Variants in TMEM150C observed in about 807,000 individuals in gnomAD.
TMEM150C encodes transmembrane protein 150C, also known as tentonin 3.
TMEM150C carries 10 observed loss-of-function variants against 29.9 expected under a neutral mutation model. The observed-to-expected ratio is 0.33, with a 90% CI of 0.21 to 0.57. TMEM150C has a LOEUF of 0.57. Ranked by LOEUF, TMEM150C falls within the 20% of genes least tolerant of loss-of-function variation. TMEM150C has a pLI of 0.88. For missense variants in TMEM150C, 251 were observed against 303.6 expected (o/e 0.83, Z 1.29); for synonymous variants, 101 against 112.5 (o/e 0.90, Z 0.64).
intron 1 of TMEM150C, among the ~76,000 whole-genome samples, chr4:82,553,318 G>A (rs1392213983): frequency 2.6e-5 from 4 of 152,222 alleles, no homozygotes; most frequent in South Asian, 2.1e-4. Context: ...AGGTAAATAT[G>A]CAACAAGCAA....
chr4:82,525,814 G>A (rs78450346), intron 1 of TMEM150C, among the ~76,000 whole-genome samples: 6,785 of 152,148 alleles, frequency 0.045, 168 homozygotes, highest in South Asian at 0.081. Flanking sequence ...TTGTAAAACC[G>A]TCCTTGCCCA....
intron 1 of TMEM150C, among the ~76,000 whole-genome samples, chr4:82,552,029 T>G (rs1446034286): frequency 6.6e-6 from 1 of 152,056 alleles, no homozygotes; most frequent in Non-Finnish European, 1.5e-5. Flanking sequence ...AGCTGGTTGT[T>G]AAAAAGAGGC....
At chr4:82,495,336 G>A (rs1723511401) in intron 6 of TMEM150C, 2 of 211,648 alleles carry the variant, frequency 9.4e-6, no homozygotes, top group Non-Finnish European at 1.9e-5. Context: ...AGCTACTCAG[G>A]AGGCTGAGGC....
intron 7 of TMEM150C, among the ~76,000 whole-genome samples, chr4:82,488,513 T>C (rs1431222812): frequency 1.3e-5 from 2 of 152,232 alleles, no homozygotes; most frequent in Non-Finnish European, 2.9e-5. Context: ...GATGTGTAAT[T>C]GCATTTTCTG....
chr4:82,491,075 A>G lies in TMEM150C; in HGVS notation c.364-837T>C. On this transcript the variant is annotated intron_variant, in intron 6 of 7. Coordinates refer to ENST00000449862, the MANE Select transcript of TMEM150C (RefSeq NM_001080506.3). ...GTCCCAGTCTTGCCTTCCTCTTGAT[A>G]ATGCAGCAAGAGACCCCCATTTTAC... 5 of 715,756 alleles carry G rather than the reference A, an allele frequency of 7.0e-6. No homozygotes were observed. The South Asian group carries it at 7.2e-5, about 10-fold the overall frequency. 44.3% of individuals were successfully genotyped at this position (715,756 alleles called of 1,614,324 possible).
chr4:82,511,917 G>A (rs1340848273), intron 1 of TMEM150C, among the ~76,000 whole-genome samples: 2 of 152,110 alleles, frequency 1.3e-5, no homozygotes, highest in Non-Finnish European at 2.9e-5. Flanking sequence ...CCCACATGTG[G>A]CAGATGTAAC....
At chr4:82,494,188 T>C (rs1289117400) in intron 6 of TMEM150C, among the ~76,000 whole-genome samples, 1 of 152,136 alleles carries the variant, frequency 6.6e-6, no homozygotes, top group East Asian at 1.9e-4. Context: ...AAGGAGGAAG[T>C]TTCTAGCTGT....
rs1296616333 is a variant in TMEM150C at position 82,485,497 on chromosome 4, G to T, written c.*14C>A. ...CTGTCACACCCACCTCACCAGCAAG[G>T]AAAAACTGATGGTTTACACCTGGTC... is the stretch of plus-strand genomic sequence containing the variant. On this transcript the variant is annotated 3_prime_UTR_variant, in exon 8 of 8. Transcript: ENST00000449862. 1 of 1,580,786 alleles carries T rather than the reference G, an allele frequency of 6.3e-7. No homozygotes were observed. Among genetic ancestry groups the T allele is most frequent in the Non-Finnish European group, 8.6e-7 (1 of 1,162,422 alleles).
At chr4:82,527,491 G>A (rs139573770) in intron 1 of TMEM150C, among the ~76,000 whole-genome samples, 204 of 152,206 alleles carry the variant, frequency 1.3e-3, no homozygotes, top group African/African-American at 4.1e-3. Context: ...TTAGCTCCAC[G>A]ACGAAAGGTA....
chr4:82,535,327 T>G (rs1482938075), intron 1 of TMEM150C, among the ~76,000 whole-genome samples: 1 of 152,194 alleles, frequency 6.6e-6, no homozygotes, highest in African/African-American at 2.4e-5. Context: ...AAAACAGGGC[T>G]GAACTTCCAT....
rs3832273 is a variant in TMEM150C at position 82,485,396 on chromosome 4, ATGTGTG to A, written c.*109_*114del. 4.3e-6 allele frequency: 3 copies of A among 694,292 alleles called. No homozygotes were observed. Among genetic ancestry groups the A allele is most frequent in the Non-Finnish European group, 7.2e-6 (3 of 418,158 alleles). The allele number at this position is 694,292 out of a possible 1,614,324, so 43.0% of individuals were successfully genotyped here. A position where few individuals can be genotyped will look rare whatever the true frequency, so the allele number is the denominator to read the frequency against. On this transcript the variant is annotated 3_prime_UTR_variant, in exon 8 of 8. Coordinates refer to ENST00000449862, the MANE Select transcript of TMEM150C (RefSeq NM_001080506.3). The stretch of plus-strand genomic sequence containing the variant: ...GCTCATTTGGCAAATGTGGCCATGA[ATGTGTG>A]TGTGTGTGTGTGTGTGAAATGAGGT...
chr4:82,497,006 T>C (rs1253112239), intron 5 of TMEM150C, among the ~76,000 whole-genome samples: 2 of 152,238 alleles, frequency 1.3e-5, no homozygotes, highest in Non-Finnish European at 2.9e-5. Flanking sequence ...ATAATATTAA[T>C]TACTCATTTT....
chr4:82,525,043 A>G (rs1560491679), intron 1 of TMEM150C, among the ~76,000 whole-genome samples: 1 of 152,258 alleles, frequency 6.6e-6, no homozygotes, highest in South Asian at 2.1e-4. Context: ...AGACACAGGT[A>G]TACTGAATCA....
At chr4:82,506,368 C>G (rs1384274138) in intron 1 of TMEM150C, among the ~76,000 whole-genome samples, 1 of 152,180 alleles carries the variant, frequency 6.6e-6, no homozygotes, top group African/African-American at 2.4e-5. Context: ...AAGTGTCTTT[C>G]AACAGTTGTG....
intron 1 of TMEM150C, among the ~76,000 whole-genome samples, chr4:82,550,577 G>A (rs1725539816): frequency 6.6e-6 from 1 of 152,054 alleles, no homozygotes; most frequent in African/African-American, 2.4e-5. Flanking sequence ...GAGGTGGGCG[G>A]ATCACGAGGT....
chr4:82,556,093 T>C (rs1329268355), intron 1 of TMEM150C, among the ~76,000 whole-genome samples: 1 of 150,684 alleles, frequency 6.6e-6, no homozygotes, highest in African/African-American at 2.4e-5. Context: ...CTAGTGTTGT[T>C]TTTTTTTTTC....
At position 82,485,293 on chromosome 4, in the gene TMEM150C, T is replaced by C. The variant is rs1328609116; in HGVS notation, c.*218A>G. ...CAAGCTTCTTGCTCTGTCGTGCATA[T>C]ATTTTCAGTGTAACAGCGTGTATTT... On this transcript the variant is annotated 3_prime_UTR_variant, in exon 8 of 8. Transcript: ENST00000449862. 1.1e-5 allele frequency: 6 copies of C among 544,436 alleles called. No homozygotes were observed. In the East Asian group the frequency reaches 1.9e-4, roughly 17 times the overall value. 33.7% of individuals were successfully genotyped at this position (544,436 alleles called of 1,614,324 possible).
chr4:82,508,440 G>A (rs1318131157), intron 1 of TMEM150C, among the ~76,000 whole-genome samples: 6 of 151,688 alleles, frequency 4.0e-5, no homozygotes, highest in Non-Finnish European at 7.4e-5. Flanking sequence ...GCCACACCTG[G>A]CTTGTTGTAT....
intron 1 of TMEM150C, among the ~76,000 whole-genome samples, chr4:82,561,400 T>C (rs1329172576): frequency 6.6e-6 from 1 of 152,208 alleles, no homozygotes; most frequent in Admixed American, 6.5e-5. Context: ...CCAGATCCCC[T>C]GCTTCCCGAG....
Sources: gnomAD v4.1 joint callset for allele counts (sites outside exome capture counted in the v4.1 genomes callset) on GRCh38, gnomAD v4.1.1 for gene constraint, MANE v1.5 for transcripts, NCBI Gene and HGNC (gene_info 2026-07-23, HGNC 2026-07-21) for gene names.